VEGFC: variants seen among roughly 807,000 people sequenced by gnomAD.
The protein encoded by VEGFC is vascular endothelial growth factor C, also known as FLT4 ligand DHM.
Under a neutral mutation model 46.1 loss-of-function variants are expected in VEGFC, and 12 were observed. The observed-to-expected ratio is 0.26, with a 90% CI of 0.17 to 0.42. The LOEUF is 0.42. Ranked by LOEUF, VEGFC falls within the 10% of genes least tolerant of loss-of-function variation. The pLI is 1.00. For missense variants in VEGFC, 488 were observed against 529.4 expected (o/e 0.92, Z 0.77); for synonymous variants, 232 against 195.5 (o/e 1.19, Z -1.56).
At chr4:176,730,333 T>C (rs1186270540) in intron 1 of VEGFC, among the ~76,000 whole-genome samples, 5 of 152,156 alleles carry the variant, frequency 3.3e-5, no homozygotes, top group Admixed American at 6.6e-5. Flanking sequence ...ACCACCTTCA[T>C]AGAAATGAAA....
At chr4:176,691,821 C>A (rs1176104037) in intron 4 of VEGFC, among the ~76,000 whole-genome samples, 1 of 152,304 alleles carries the variant, frequency 6.6e-6, no homozygotes, top group East Asian at 1.9e-4. Flanking sequence ...AGGAACAGCT[C>A]CGGTCTACAG....
At chr4:176,733,266 T>C (rs928332216) in intron 1 of VEGFC, among the ~76,000 whole-genome samples, 2 of 151,962 alleles carry the variant, frequency 1.3e-5, no homozygotes, top group Admixed American at 6.6e-5. Flanking sequence ...AGTATCTGTT[T>C]AGGTGAAACA....
intron 1 of VEGFC, among the ~76,000 whole-genome samples, chr4:176,787,797 T>C (rs1280857942): frequency 6.6e-6 from 1 of 152,178 alleles, no homozygotes; most frequent in Non-Finnish European, 1.5e-5. Flanking sequence ...AAAATATTTA[T>C]AGTAAATTTT....
chr4:176,699,827 T>C (rs994969602), intron 4 of VEGFC, among the ~76,000 whole-genome samples: 7 of 152,230 alleles, frequency 4.6e-5, no homozygotes, highest in African/African-American at 7.2e-5. Flanking sequence ...TTAGGTTTTA[T>C]ATAAATTGTT....
In VEGFC at chr4:176,768,423, A is replaced by G. The variant is rs556217513; in HGVS notation, c.147+23742T>C. On this transcript the variant is annotated intron_variant, in intron 1 of 6. Coordinates refer to ENST00000618562, the MANE Select transcript of VEGFC (RefSeq NM_005429.5). Reference sequence around the variant, plus strand: ...ACCACCACTGAGGTAAAATGAGTGCATTGAAGACAAAGCTGAAAAATAATG... The same window carrying G: ...ACCACCACTGAGGTAAAATGAGTGCGTTGAAGACAAAGCTGAAAAATAATG... 2.6e-4 allele frequency among the ~76,000 whole-genome samples: 39 copies of G among 150,574 alleles called. 1 individual carries two copies. In the South Asian group the frequency reaches 8.3e-3, roughly 32 times the overall value.
In VEGFC at chr4:176,695,827, A is replaced by G. The variant is rs867330183; in HGVS notation, c.705-7900T>C. On this transcript the variant is annotated intron_variant, in intron 4 of 6. Coordinates refer to ENST00000618562, the MANE Select transcript of VEGFC (RefSeq NM_005429.5). ...CTGGGATGCAAGACTGGTTCAATAT[A>G]TGCAAATCAATAAATAAATGTAATC... Among the ~76,000 whole-genome samples, 7 of 152,310 alleles carry G rather than the reference A, an allele frequency of 4.6e-5. No individual in the cohort carries two copies. The Middle Eastern group carries it at 0.017, about 370-fold the overall frequency.
chr4:176,689,490 C>T (rs1734108717), intron 4 of VEGFC: 1 of 152,208 alleles, frequency 6.6e-6, no homozygotes, highest in Non-Finnish European at 1.5e-5. Flanking sequence ...GTCTCTACAG[C>T]ATCTACTAGA....
intron 1 of VEGFC, among the ~76,000 whole-genome samples, chr4:176,756,981 T>C (rs1329138117): frequency 1.3e-5 from 2 of 152,000 alleles, no homozygotes; most frequent in Non-Finnish European, 2.9e-5. Flanking sequence ...GTTTGCTAGA[T>C]TGGTTATATG....
Position 176,711,668 on chromosome 4 carries a change from A to C in VEGFC, c.553-18T>G. 6.2e-7 allele frequency: 1 copy of C among 1,609,938 alleles called. No individual in the cohort carries two copies. The highest frequency in any genetic ancestry group is 8.5e-7 in the Non-Finnish European group (1 of 1,178,534). On this transcript the variant is annotated intron_variant, in intron 3 of 6. Transcript: ENST00000618562. ...TCAAATAACTACAAAGAAGGGACAA[A>C]AAGAAGAAAAAATTATATAGATGCT... is the stretch of plus-strand genomic sequence containing the variant.
At chr4:176,739,601 C>T (rs1019974535) in intron 1 of VEGFC, among the ~76,000 whole-genome samples, 5 of 151,524 alleles carry the variant, frequency 3.3e-5, no homozygotes, top group Non-Finnish European at 4.4e-5. Context: ...GTGGGGGGAG[C>T]GTATGAGGGT....
At chr4:176,704,505 T>C (rs992268243) in intron 4 of VEGFC, among the ~76,000 whole-genome samples, 1 of 152,170 alleles carries the variant, frequency 6.6e-6, no homozygotes, top group Admixed American at 6.6e-5. Context: ...ATCCCCCATA[T>C]GCGGTTCCCA....
At chr4:176,778,323 T>C (rs984501896) in intron 1 of VEGFC, among the ~76,000 whole-genome samples, 3 of 152,108 alleles carry the variant, frequency 2.0e-5, no homozygotes, top group Non-Finnish European at 2.9e-5. Flanking sequence ...AGAATTTCGA[T>C]TGCTATTTGC....
chr4:176,791,731 C>G (rs760123484), intron 1 of VEGFC, among the ~76,000 whole-genome samples: 10 of 152,148 alleles, frequency 6.6e-5, no homozygotes, highest in Non-Finnish European at 1.5e-4. Context: ...TATGAACACT[C>G]CAGGAAAGTA....
intron 1 of VEGFC, among the ~76,000 whole-genome samples, chr4:176,733,759 G>T (rs1735006101): frequency 6.6e-6 from 1 of 151,674 alleles, no homozygotes; most frequent in East Asian, 1.9e-4. Context: ...TTATTAAAAA[G>T]AATAGATCCT....
intron 1 of VEGFC, among the ~76,000 whole-genome samples, chr4:176,781,846 A>C (rs574531752): frequency 3.3e-5 from 5 of 152,312 alleles, no homozygotes; most frequent in Admixed American, 3.3e-4. Context: ...TTGTCATTTC[A>C]GTAAAAGGGC....
chr4:176,770,964 G>T (rs1735711284), intron 1 of VEGFC, among the ~76,000 whole-genome samples: 2 of 126,278 alleles, frequency 1.6e-5, no homozygotes, highest in African/African-American at 6.0e-5. Flanking sequence ...TTCAATTGAA[G>T]GTGCAAGTAA....
rs772716675 is a variant in VEGFC, at chr4:176,711,617, G to C, written c.586C>G (p.Pro196Ala). The C allele has an allele frequency of 6.2e-7, 1 of 1,613,456 alleles. No homozygotes were observed. Among genetic ancestry groups the C allele is most frequent in the Non-Finnish European group, 8.5e-7 (1 of 1,179,658 alleles). The change falls in exon 4 of 7, where the codon CCC becomes GCC. Residue 196 changes from proline (P) to alanine (A), a missense_variant. Physicochemically the swap from Pro to Ala is conservative, Grantham distance 27. Coordinates refer to ENST00000618562, the MANE Select transcript of VEGFC (RefSeq NM_005429.5). ...GCAAAACTGATTGTTACTGGTTTGG[G>C]GCCTTGAGAGAGAGGCACTGTAATT... ...FEITVPLSQG[P>A]KPVTISFANH...
intron 3 of VEGFC, among the ~76,000 whole-genome samples, chr4:176,715,337 A>G (rs1431343029): frequency 6.6e-6 from 1 of 152,158 alleles, no homozygotes; most frequent in Non-Finnish European, 1.5e-5. Flanking sequence ...TGATGATACC[A>G]GTGTGAAAAA....
chr4:176,687,043 G>T, intron 6 of VEGFC, 144 bp downstream of exon 6: 1 of 955,346 alleles, frequency 1.0e-6, no homozygotes, highest in East Asian at 2.6e-5. Flanking sequence ...TTTAGCATTG[G>T]TTAAAAAAAT....
Sources: allele counts gnomAD v4.1 joint callset (sites outside exome capture counted in the v4.1 genomes callset), GRCh38; gene constraint gnomAD v4.1.1; transcripts MANE v1.5; gene names NCBI Gene and HGNC (gene_info 2026-07-23, HGNC 2026-07-21).